Variants in GTF2E1 observed in about 807,000 individuals in gnomAD.
The protein encoded by GTF2E1 is general transcription factor IIE subunit 1.
In GTF2E1, 14 loss-of-function variants were observed where a neutral mutation model predicts 34.9. That is an observed-to-expected ratio of 0.40 (90% confidence interval 0.27 to 0.63). The LOEUF is 0.63. Among genes scored for constraint, GTF2E1 ranks in the 20% least tolerant of loss-of-function variants. GTF2E1 has a pLI of 0.39. For missense variants in GTF2E1, 469 were observed against 557.7 expected (o/e 0.84, Z 1.60); for synonymous variants, 188 against 192.9 (o/e 0.97, Z 0.21).
intron 2 of GTF2E1, among the ~76,000 whole-genome samples, chr3:120,751,926 T>G (rs1300689180): frequency 6.6e-6 from 1 of 152,168 alleles, no homozygotes. Context: ...CTTTGACCCA[T>G]GAAATATTTG....
At chr3:120,771,301 A>G (rs1230089497) in intron 3 of GTF2E1, among the ~76,000 whole-genome samples, 1 of 152,136 alleles carries the variant, frequency 6.6e-6, no homozygotes, top group Non-Finnish European at 1.5e-5. Context: ...TAAGGAATTC[A>G]GCATTTTCTT....
chr3:120,770,904 A>G lies in GTF2E1; in HGVS notation c.625A>G (p.Thr209Ala). The change falls in exon 3 of 5, where the codon ACA becomes GCA. Residue 209 changes from threonine to alanine, a missense_variant. By Grantham distance (58) the Thr-to-Ala change is moderately conservative (BLOSUM62 0). Coordinates refer to ENST00000283875, the MANE Select transcript of GTF2E1 (RefSeq NM_005513.3). ...CTATGAAATACTTGAGCCAGAACCCACAGAAATCCCAGCCCTGAAACAGAG... is the reference window on the plus strand; with the variant it reads ...CTATGAAATACTTGAGCCAGAACCCGCAGAAATCCCAGCCCTGAAACAGAG... ...LAYEILEPEP[T>A]EIPALKQSKD... 1 of 1,613,478 alleles carries G rather than the reference A, an allele frequency of 6.2e-7. No individual in the cohort carries two copies. Among genetic ancestry groups the G allele is most frequent in the Non-Finnish European group, 8.5e-7 (1 of 1,179,492 alleles).
intron 2 of GTF2E1, among the ~76,000 whole-genome samples, chr3:120,752,361 T>G (rs1709171264): frequency 6.6e-6 from 1 of 152,196 alleles, no homozygotes; most frequent in Admixed American, 6.6e-5. Context: ...TCTAACAGAT[T>G]TCTTACAGGA....
At chr3:120,760,279 G>T (rs1709248575) in intron 2 of GTF2E1, among the ~76,000 whole-genome samples, 1 of 152,152 alleles carries the variant, frequency 6.6e-6, no homozygotes, top group Admixed American at 6.5e-5. Flanking sequence ...CATTGATTTT[G>T]TGTCCTGAGA....
intron 3 of GTF2E1, among the ~76,000 whole-genome samples, chr3:120,772,645 A>G (rs1024876924): frequency 1.5e-4 from 23 of 152,254 alleles, no homozygotes; most frequent in Admixed American, 3.3e-4. Flanking sequence ...GGATTATTTC[A>G]TGTTGAAGTA....
At chr3:120,771,134 C>T (rs1709347331) in intron 3 of GTF2E1, among the ~76,000 whole-genome samples, 1 of 152,076 alleles carries the variant, frequency 6.6e-6, no homozygotes, top group South Asian at 2.1e-4. Flanking sequence ...ACACTGTGGA[C>T]TTCAGGCAAA....
chr3:120,766,658 G>A (rs935988592), intron 2 of GTF2E1, among the ~76,000 whole-genome samples: 1 of 151,830 alleles, frequency 6.6e-6, no homozygotes, highest in African/African-American at 2.4e-5. Flanking sequence ...TTTTCCTAGT[G>A]TCCTCAGCTA....
At chr3:120,744,231 G>A (rs1178128896) in intron 1 of GTF2E1, among the ~76,000 whole-genome samples, 1 of 152,104 alleles carries the variant, frequency 6.6e-6, no homozygotes, top group East Asian at 1.9e-4. Flanking sequence ...ACATTCTTTG[G>A]GTGATACAAT....
chr3:120,747,080 C>G (rs922713248), intron 1 of GTF2E1, among the ~76,000 whole-genome samples: 1 of 151,308 alleles, frequency 6.6e-6, no homozygotes, highest in Non-Finnish European at 1.5e-5. Flanking sequence ...ATTTCAAAGC[C>G]CAGTTTTGTG....
At chr3:120,748,495 T>A (rs1021554122) in intron 1 of GTF2E1, among the ~76,000 whole-genome samples, 1 of 152,226 alleles carries the variant, frequency 6.6e-6, no homozygotes. Context: ...CAGCACCATT[T>A]ATTAAATAGG....
At chr3:120,757,863 A>T (rs116606779) in intron 2 of GTF2E1, among the ~76,000 whole-genome samples, 1,726 of 152,358 alleles carry the variant, frequency 0.011, 32 homozygotes, top group African/African-American at 0.04. Flanking sequence ...TCTTTTAAAA[A>T]TACATAAGTA....
intron 1 of GTF2E1, among the ~76,000 whole-genome samples, chr3:120,745,467 A>G (rs1709097317): frequency 6.6e-6 from 1 of 152,158 alleles, no homozygotes. Context: ...GCTGCATAGT[A>G]GAGTCACCTA....
At chr3:120,772,522 A>C (rs1176375470) in intron 3 of GTF2E1, among the ~76,000 whole-genome samples, 1 of 152,162 alleles carries the variant, frequency 6.6e-6, no homozygotes, top group Non-Finnish European at 1.5e-5. Flanking sequence ...CTTTTGAAAA[A>C]GGAATTTTTC....
At position 120,781,711 on chromosome 3, in the gene GTF2E1, T is replaced by A. The variant is rs1709449910; in HGVS notation, c.*241T>A. On this transcript the variant is annotated 3_prime_UTR_variant, in exon 5 of 5. Transcript: ENST00000283875. ...AGTATTAATATTTTACTGTATTTTC[T>A]TTTCTTTTTTTTTTTTTTTTGGAGA... 2 of 382,110 alleles carry A rather than the reference T, an allele frequency of 5.2e-6. No homozygotes were observed. Among genetic ancestry groups the A allele is most frequent in the East Asian group, 4.5e-5 (1 of 21,992 alleles). The allele number at this position is 382,110 out of a possible 1,614,324, so 23.7% of individuals were successfully genotyped here. A position where few individuals can be genotyped will look rare whatever the true frequency, so the allele number is the denominator to read the frequency against.
At chr3:120,748,983 A>G (rs1709138069) in intron 1 of GTF2E1, among the ~76,000 whole-genome samples, 1 of 152,146 alleles carries the variant, frequency 6.6e-6, no homozygotes, top group East Asian at 1.9e-4. Flanking sequence ...TGTAAGTTGG[A>G]TTCCTAGGTA....
chr3:120,750,974 C>A lies in GTF2E1; in HGVS notation c.422C>A (p.Ala141Asp). The change falls in exon 2 of 5, where the codon GCT (alanine) becomes GAT (aspartate). Residue 141 changes from alanine to aspartate, a missense_variant. Transcript: ENST00000283875. ...AGTAGTACTTTCACAGACTTAGAAG[C>A]TAATCAGCTCTTTGATCCTATGACA... ...VCSSTFTDLE[A>D]NQLFDPMTGT... 6.2e-7 allele frequency: 1 copy of A among 1,612,606 alleles called. No individual in the cohort carries two copies. Among genetic ancestry groups the A allele is most frequent in the Non-Finnish European group, 8.5e-7 (1 of 1,178,820 alleles).
In GTF2E1 at chr3:120,776,652, G is replaced by A; in HGVS notation, c.880G>A (p.Asp294Asn). 6.2e-7 allele frequency: 1 copy of A among 1,613,108 alleles called. No individual in the cohort carries two copies. Among genetic ancestry groups the A allele is most frequent in the Non-Finnish European group, 8.5e-7 (1 of 1,179,648 alleles). ...STVQGAYGSE[D>N]MKEGGIDMDA... is the part of the protein sequence containing the mutation. ...TGTCCAAGGGGCATATGGTTCTGAAGATATGAAAGAAGGTAAGAGTAGAAG... is the reference window on the plus strand; with the variant it reads ...TGTCCAAGGGGCATATGGTTCTGAAAATATGAAAGAAGGTAAGAGTAGAAG... The change falls in exon 4 of 5, where the codon GAT (aspartate) becomes AAT (asparagine). Residue 294 changes from aspartate to asparagine, a missense_variant. Coordinates refer to ENST00000283875, the MANE Select transcript of GTF2E1 (RefSeq NM_005513.3).
chr3:120,763,759 A>G (rs1267494026), intron 2 of GTF2E1, among the ~76,000 whole-genome samples: 2 of 152,090 alleles, frequency 1.3e-5, no homozygotes. Context: ...TCTCTTAGGT[A>G]GTTTCCTTGC....
chr3:120,749,622 T>A (rs1303399116), intron 1 of GTF2E1: 2 of 152,238 alleles, frequency 1.3e-5, no homozygotes, highest in African/African-American at 4.8e-5. Flanking sequence ...TCATGGTGGA[T>A]AATAAGCTTT....
Sources: gnomAD v4.1 joint callset for allele counts (sites outside exome capture counted in the v4.1 genomes callset) on GRCh38, gnomAD v4.1.1 for gene constraint, MANE v1.5 for transcripts, NCBI Gene and HGNC (gene_info 2026-07-23, HGNC 2026-07-21) for gene names.